FER: variants seen among roughly 807,000 people sequenced by gnomAD.
The protein encoded by FER is FER tyrosine kinase.
In FER, 63 loss-of-function variants were observed where a neutral mutation model predicts 111.0. The observed-to-expected ratio is 0.57, with a 90% CI of 0.46 to 0.70. The LOEUF (loss-of-function observed/expected upper bound fraction) is 0.70. Ranked by LOEUF, FER falls within the 30% of genes least tolerant of loss-of-function variation. FER has a pLI of 0.00. For synonymous variants in FER, 327 were observed against 313.9 expected (o/e 1.04, Z -0.44); for missense variants, 914 against 954.0 (o/e 0.96, Z 0.55).
chr5:108,906,896 G>A (rs1750854722), intron 10 of FER, among the ~76,000 whole-genome samples: 1 of 152,050 alleles, frequency 6.6e-6, no homozygotes, highest in East Asian at 1.9e-4. Flanking sequence ...GTTGAAACCT[G>A]TTTTTTCCAT....
At chr5:109,001,886 T>G (rs1356380602) in intron 13 of FER, among the ~76,000 whole-genome samples, 1 of 152,160 alleles carries the variant, frequency 6.6e-6, no homozygotes, top group Non-Finnish European at 1.5e-5. Flanking sequence ...CATTCACAAT[T>G]GCTTCAAAGA....
At position 109,046,122 on chromosome 5, in the gene FER, C is replaced by T. The variant is rs143276022; in HGVS notation, c.1830-982C>T. On this transcript the variant is annotated intron_variant, in intron 15 of 19. Coordinates refer to ENST00000281092, the MANE Select transcript of FER (RefSeq NM_005246.4). ...TGATGAAATTTTGCCTTTATCCAAACAAAGTCTACTCTGCTTCAGCTGAAG... is the reference window on the plus strand; with the variant it reads ...TGATGAAATTTTGCCTTTATCCAAATAAAGTCTACTCTGCTTCAGCTGAAG... Among the ~76,000 whole-genome samples the T allele has an allele frequency of 5.9e-3, 899 of 152,204 alleles. 6 individuals are homozygous for T. Among genetic ancestry groups the T allele is most frequent in the African/African-American group, 0.021 (861 of 41,520 alleles).
intron 15 of FER, among the ~76,000 whole-genome samples, chr5:109,045,483 G>T (rs562042415): frequency 3.3e-4 from 50 of 152,162 alleles, no homozygotes; most frequent in African/African-American, 1.0e-3. Context: ...ATAAGATTTG[G>T]TAATAGAAAT....
intron 8 of FER, among the ~76,000 whole-genome samples, chr5:108,880,558 T>G (rs9326751): frequency 0.23 from 34,386 of 151,978 alleles, 4,089 homozygotes; most frequent in African/African-American, 0.29. Context: ...GTGGTTGAAA[T>G]GTAGCTTTCT....
chr5:109,043,693 C>T (rs1771517442), intron 14 of FER, among the ~76,000 whole-genome samples: 1 of 152,094 alleles, frequency 6.6e-6, no homozygotes, highest in Non-Finnish European at 1.5e-5. Flanking sequence ...TTTGCATATG[C>T]CAGGTGTGGT....
intron 10 of FER, chr5:108,924,530 G>A: frequency 9.4e-7 from 1 of 1,061,600 alleles, no homozygotes; most frequent in Admixed American, 4.3e-5. Flanking sequence ...TGCCAACAGG[G>A]GGAGATAGTA....
chr5:108,960,464 T>A (rs1196005441), intron 13 of FER, among the ~76,000 whole-genome samples: 2 of 152,036 alleles, frequency 1.3e-5, no homozygotes, highest in Admixed American at 6.6e-5. Flanking sequence ...TAAATTTTTT[T>A]ATTCATTTTC....
intron 13 of FER, among the ~76,000 whole-genome samples, chr5:108,989,231 A>G (rs1308614680): frequency 6.6e-6 from 1 of 152,028 alleles, no homozygotes; most frequent in Non-Finnish European, 1.5e-5. Context: ...ATTATAATAG[A>G]AAAAAATCAG....
At chr5:109,183,969 C>T (rs1328103585) in intron 18 of FER, among the ~76,000 whole-genome samples, 1 of 151,996 alleles carries the variant, frequency 6.6e-6, no homozygotes, top group Non-Finnish European at 1.5e-5. Context: ...GCTGAGAAAT[C>T]TTTTTGTATG....
At chr5:108,933,591 C>A (rs1057124299) in intron 10 of FER, among the ~76,000 whole-genome samples, 2 of 152,062 alleles carry the variant, frequency 1.3e-5, no homozygotes, top group Non-Finnish European at 2.9e-5. Flanking sequence ...ATTTTTGGTT[C>A]CATATGAAAT....
At chr5:108,911,796 G>A (rs1201941587) in intron 10 of FER, among the ~76,000 whole-genome samples, 1 of 151,986 alleles carries the variant, frequency 6.6e-6, no homozygotes, top group Non-Finnish European at 1.5e-5. Flanking sequence ...TTATTTCTGG[G>A]TTCTCTGTTC....
chr5:108,913,638 G>T (rs1254716777), intron 10 of FER, among the ~76,000 whole-genome samples: 6 of 152,172 alleles, frequency 3.9e-5, no homozygotes, highest in Non-Finnish European at 7.3e-5. Context: ...CTGTGACTCA[G>T]TATATCTGCT....
intron 3 of FER, among the ~76,000 whole-genome samples, chr5:108,802,848 C>A (rs1426543899): frequency 6.6e-6 from 1 of 152,092 alleles, no homozygotes; most frequent in African/African-American, 2.4e-5. Context: ...TTTCTTTTGG[C>A]TGTATACCCA....
intron 3 of FER, among the ~76,000 whole-genome samples, chr5:108,806,385 C>T (rs1032939498): frequency 6.6e-6 from 1 of 152,226 alleles, no homozygotes; most frequent in African/African-American, 2.4e-5. Context: ...GGAGCCCCCA[C>T]ACAGAGTCCC....
intron 16 of FER, among the ~76,000 whole-genome samples, chr5:109,054,929 C>T (rs1773431550): frequency 6.6e-6 from 1 of 152,130 alleles, no homozygotes; most frequent in South Asian, 2.1e-4. Flanking sequence ...GGACTCTGTT[C>T]TTTTCTGTCA....
At chr5:108,824,804 C>T (rs1442569541) in intron 3 of FER, among the ~76,000 whole-genome samples, 1 of 151,850 alleles carries the variant, frequency 6.6e-6, no homozygotes, top group East Asian at 1.9e-4. Flanking sequence ...TATCGGGGGA[C>T]CTGCCCCGAT....
rs1759198154 is a variant in FER, at chr5:109,189,286, T to A, written c.*1711T>A. 1 of 152,054 alleles carries A rather than the reference T, an allele frequency of 6.6e-6. No individual in the cohort carries two copies. The highest frequency in any genetic ancestry group is 2.4e-5 in the African/African-American group (1 of 41,428). 9.4% of individuals were successfully genotyped at this position (152,054 alleles called of 1,614,324 possible). A position where few individuals can be genotyped will look rare whatever the true frequency, so the allele number is the denominator to read the frequency against. On this transcript the variant is annotated 3_prime_UTR_variant, in exon 20 of 20. Coordinates refer to ENST00000281092, the MANE Select transcript of FER (RefSeq NM_005246.4). ...CTAAATATGTTCTGGAAGCCTTTTA[T>A]AAGTTCTCAGGCCTGTGTCCTGGTA...
Position 108,912,835 on chromosome 5 carries a change from G to A in FER, c.1236+14987G>A, listed in dbSNP as rs7706538. On this transcript the variant is annotated intron_variant, in intron 10 of 19. Transcript: ENST00000281092. ...ATTCAGTTATGAACAAGTGTAGTTG[G>A]AGTAAGTAGCTATCAAGTGTGGTCT... Among the ~76,000 whole-genome samples, 998 of 152,266 alleles carry A rather than the reference G, an allele frequency of 6.6e-3. 14 individuals carry two copies. Among genetic ancestry groups the A allele is most frequent in the African/African-American group, 0.023 (958 of 41,544 alleles).
rs557740868 is a variant in FER at position 108,951,512 on chromosome 5, T to C, written c.1330-3217T>C. ...TATGAATTACTCTTTGTCACCCTAG[T>C]GTATTACTAAACTAGATTTGGAATA... is the stretch of plus-strand genomic sequence containing the variant. On this transcript the variant is annotated intron_variant, in intron 11 of 19. Coordinates refer to ENST00000281092, the MANE Select transcript of FER (RefSeq NM_005246.4). 3.9e-5 allele frequency among the ~76,000 whole-genome samples: 6 copies of C among 152,310 alleles called. 1 individual carries two copies. The highest frequency in any genetic ancestry group is 1.4e-4 in the African/African-American group (6 of 41,570).
Sources: gnomAD v4.1 joint callset for allele counts (sites outside exome capture counted in the v4.1 genomes callset) on GRCh38, gnomAD v4.1.1 for gene constraint, MANE v1.5 for transcripts, NCBI Gene and HGNC (gene_info 2026-07-23, HGNC 2026-07-21) for gene names.